The following ARHGEF3 variants were observed in gnomAD, a reference collection of about 807,000 sequenced individuals.
The protein encoded by ARHGEF3 is Rho guanine nucleotide exchange factor 3.
Under a neutral mutation model 63.2 loss-of-function variants are expected in ARHGEF3, and 28 were observed. The ratio of observed to expected loss-of-function variants is 0.44; its 90% confidence interval spans 0.33 to 0.61. The LOEUF (loss-of-function observed/expected upper bound fraction) is 0.61. Ranked by LOEUF, ARHGEF3 falls within the 20% of genes least tolerant of loss-of-function variation. The probability of loss-of-function intolerance (pLI) is 0.03; values close to 1 mark genes in which losing one functional copy is unlikely to be tolerated. For synonymous variants in ARHGEF3, 266 were observed against 254.2 expected, an observed-to-expected ratio of 1.05 and a Z score of -0.44; for missense variants, 533 against 659.3, an observed-to-expected ratio of 0.81 and a Z score of 2.10.
chr3:56,914,426 A>C (rs1208150471), intron 3 of ARHGEF3, among the ~76,000 whole-genome samples: 1 of 152,206 alleles, frequency 6.6e-6, no homozygotes, highest in Non-Finnish European at 1.5e-5. Context: ...TAACAATATT[A>C]ATTGACAAGA....
intron 6 of ARHGEF3, among the ~76,000 whole-genome samples, chr3:56,749,333 C>T (rs1348309277): frequency 6.6e-6 from 1 of 152,180 alleles, no homozygotes; most frequent in Non-Finnish European, 1.5e-5. Flanking sequence ...ATAAACGTGA[C>T]AAATGTTTAT....
chr3:56,995,669 G>GAGAGAGAGAGAGAGAGAA (rs1373283304), intron 2 of ARHGEF3, among the ~76,000 whole-genome samples: 1 of 124,772 alleles, frequency 8.0e-6, no homozygotes, highest in African/African-American at 2.8e-5. Context: ...GAGAGAGAGA[G>GAGAGAGAGAGAGAGAGAA]AGAATTTTTT....
chr3:57,069,168 G>C (rs1705736372), intron 1 of ARHGEF3, among the ~76,000 whole-genome samples: 1 of 152,052 alleles, frequency 6.6e-6, no homozygotes. Context: ...TGATCCACTT[G>C]CCTCAGCCTC....
At chr3:56,974,153 C>T (rs1701033597) in intron 2 of ARHGEF3, among the ~76,000 whole-genome samples, 2 of 152,176 alleles carry the variant, frequency 1.3e-5, no homozygotes, top group Admixed American at 1.3e-4. Context: ...TTTATCCCCA[C>T]CCTCTAGACA....
chr3:56,906,634 G>A (rs544180430), intron 3 of ARHGEF3, among the ~76,000 whole-genome samples: 60 of 152,212 alleles, frequency 3.9e-4, no homozygotes, highest in African/African-American at 1.2e-3. Context: ...TCAGGAGTTC[G>A]AGACCAGCCT....
At chr3:57,030,007 T>A (rs1374254868) in intron 2 of ARHGEF3, among the ~76,000 whole-genome samples, 1 of 152,032 alleles carries the variant, frequency 6.6e-6, no homozygotes, top group Non-Finnish European at 1.5e-5. Context: ...AGCTGATAAG[T>A]GGATCAAGGA....
chr3:56,795,033 A>G (rs79955917), intron 1 of ARHGEF3, among the ~76,000 whole-genome samples: 1 of 144,648 alleles, frequency 6.9e-6, no homozygotes, highest in African/African-American at 2.5e-5. Context: ...GAATTCTTTG[A>G]TTTTTTTTTT....
At chr3:56,942,276 T>C (rs1260468538) in intron 3 of ARHGEF3, among the ~76,000 whole-genome samples, 1 of 152,242 alleles carries the variant, frequency 6.6e-6, no homozygotes, top group Non-Finnish European at 1.5e-5. Flanking sequence ...ATCAGTGCCA[T>C]TTTTTCCAAC....
intron 2 of ARHGEF3, among the ~76,000 whole-genome samples, chr3:57,007,768 T>C (rs1198355274): frequency 1.3e-5 from 2 of 152,174 alleles, no homozygotes; most frequent in Admixed American, 6.5e-5. Flanking sequence ...TGCAATAGCT[T>C]GCAAAAATAA....
chr3:56,855,776 A>C (rs1165120579), intron 4 of ARHGEF3, among the ~76,000 whole-genome samples: 4 of 152,124 alleles, frequency 2.6e-5, no homozygotes, highest in South Asian at 2.1e-4. Flanking sequence ...ACGACACTAA[A>C]GTGGAAGGAA....
intron 1 of ARHGEF3, among the ~76,000 whole-genome samples, chr3:56,778,384 G>T (rs1165232010): frequency 6.6e-6 from 1 of 152,070 alleles, no homozygotes; most frequent in East Asian, 1.9e-4. Flanking sequence ...CCAGGGCCTG[G>T]CTAACTTTTT....
intron 3 of ARHGEF3, among the ~76,000 whole-genome samples, chr3:56,955,520 C>A (rs143345231): frequency 7.0e-4 from 106 of 152,258 alleles, no homozygotes; most frequent in Non-Finnish European, 1.4e-3. Context: ...CTTTTCTTTG[C>A]AAGAGGAATG....
chr3:56,995,662 A>AGAGAGAGAGAGG (rs1701953978), intron 2 of ARHGEF3, among the ~76,000 whole-genome samples: 1 of 122,394 alleles, frequency 8.2e-6, no homozygotes, highest in Admixed American at 8.7e-5. Context: ...AGAGAGAGAG[A>AGAGAGAGAGAGG]GAGAGAGAGA....
intron 2 of ARHGEF3, among the ~76,000 whole-genome samples, chr3:57,006,932 C>A (rs2107073526): frequency 6.6e-6 from 1 of 152,086 alleles, no homozygotes; most frequent in East Asian, 1.9e-4. Flanking sequence ...TCTTTAAGCC[C>A]AAAACTCCTG....
intron 2 of ARHGEF3, among the ~76,000 whole-genome samples, chr3:56,994,064 C>CAAAAAAAAAAAAAAAAAACAAAA (rs1701875819): frequency 1.7e-5 from 1 of 59,722 alleles, no homozygotes; most frequent in Non-Finnish European, 3.3e-5. Context: ...AACTTCGTCT[C>CAAAAAAAAAAAAAAAAAACAAAA]AAAAAAAAAA....
At chr3:56,937,973 T>C (rs1221464584) in intron 3 of ARHGEF3, among the ~76,000 whole-genome samples, 1 of 152,200 alleles carries the variant, frequency 6.6e-6, no homozygotes, top group Non-Finnish European at 1.5e-5. Flanking sequence ...CTAAATGAAA[T>C]GTTAGGTCGA....
chr3:56,766,202 C>T (rs1429263583), intron 2 of ARHGEF3, among the ~76,000 whole-genome samples: 1 of 152,124 alleles, frequency 6.6e-6, no homozygotes, highest in African/African-American at 2.4e-5. Context: ...GACTCTCTCC[C>T]CATTAAGTCT....
chr3:57,039,553 A>T (rs1216602398), intron 1 of ARHGEF3, among the ~76,000 whole-genome samples: 2 of 152,154 alleles, frequency 1.3e-5, no homozygotes, highest in Non-Finnish European at 2.9e-5. Context: ...AAACAGCACA[A>T]ATGTATCTCC....
intron 2 of ARHGEF3, among the ~76,000 whole-genome samples, chr3:57,015,222 G>A (rs1432745805): frequency 2.0e-5 from 3 of 152,058 alleles, no homozygotes; most frequent in Non-Finnish European, 4.4e-5. Context: ...GCAGACACAT[G>A]GTAACACTAT....
Sources: gnomAD v4.1 joint callset for allele counts (sites outside exome capture counted in the v4.1 genomes callset) on GRCh38, gnomAD v4.1.1 for gene constraint, MANE v1.5 for transcripts, NCBI Gene and HGNC (gene_info 2026-07-23, HGNC 2026-07-21) for gene names.